The following DSCAM variants were observed in gnomAD, a reference collection of about 807,000 sequenced individuals.
The protein encoded by DSCAM is DS cell adhesion molecule.
In DSCAM, 47 loss-of-function variants were observed where a neutral mutation model predicts 217.7. The observed-to-expected ratio is 0.22, with a 90% CI of 0.17 to 0.28. The LOEUF is 0.28. Ranked by LOEUF, DSCAM falls within the 10% of genes least tolerant of loss-of-function variation. DSCAM has a pLI of 1.00. For synonymous variants in DSCAM, 1,056 were observed against 1,015.3 expected, an observed-to-expected ratio of 1.04 and a Z score of -0.76; for missense variants, 2,080 against 2,618.3, an observed-to-expected ratio of 0.79 and a Z score of 4.49.
Position 40,313,022 on chromosome 21 carries a change from C to T in DSCAM, c.1784-663G>A, listed in dbSNP as rs576111611. ...GTCCCAGCTACTGAGGAGGCCAAGG[C>T]GGGAGGATCCCTTGAGCCCAGGAGT... On this transcript the variant is annotated intron_variant, in intron 8 of 32. Transcript: ENST00000400454. Among the ~76,000 whole-genome samples the T allele has an allele frequency of 9.3e-5, 14 of 150,982 alleles. No homozygotes were observed. The South Asian group carries it at 1.5e-3, about 16-fold the overall frequency.
chr21:40,183,076 C>T lies in DSCAM; in HGVS notation c.2780-3982G>A, dbSNP rs111881702. Among the ~76,000 whole-genome samples, 70 of 11,320 alleles carry T rather than the reference C, an allele frequency of 6.2e-3. 1 individual carries two copies. Among genetic ancestry groups the T allele is most frequent in the Admixed American group, 0.019 (15 of 782 alleles). 7.4% of individuals were successfully genotyped at this position (11,320 alleles called of 152,430 possible). A position where few individuals can be genotyped will look rare whatever the true frequency, so the allele number is the denominator to read the frequency against. On this transcript the variant is annotated intron_variant, in intron 14 of 32. Transcript: ENST00000400454. ...CAGAGAAACCGTGGACAGGAGGGGG[C>T]TACCAGAGAAACCGTGGACGGGGGG...
chr21:40,711,991 T>C (rs1708387547), intron 1 of DSCAM, among the ~76,000 whole-genome samples: 1 of 152,154 alleles, frequency 6.6e-6, no homozygotes, highest in African/African-American at 2.4e-5. Context: ...TTCTGAAATG[T>C]TTTTCTATTT....
intron 32 of DSCAM, among the ~76,000 whole-genome samples, chr21:40,015,546 C>A (rs1351096765): frequency 6.6e-6 from 1 of 152,106 alleles, no homozygotes; most frequent in South Asian, 2.1e-4. Flanking sequence ...CCTTCCACCT[C>A]AGCCTCCAGA....
chr21:40,209,020 G>C (rs1430600676), intron 11 of DSCAM, among the ~76,000 whole-genome samples: 2 of 152,132 alleles, frequency 1.3e-5, no homozygotes. Flanking sequence ...CTAAATGAGC[G>C]GGCACTATTT....
intron 19 of DSCAM, among the ~76,000 whole-genome samples, chr21:40,125,844 C>T (rs1030859233): frequency 2.0e-5 from 3 of 152,116 alleles, no homozygotes; most frequent in Non-Finnish European, 4.4e-5. Context: ...GCAGAGTGAA[C>T]GTTTCCTGGG....
chr21:40,441,749 T>C (rs904668634), intron 3 of DSCAM, among the ~76,000 whole-genome samples: 1 of 152,134 alleles, frequency 6.6e-6, no homozygotes, highest in Non-Finnish European at 1.5e-5. Flanking sequence ...TCTGGTTCCT[T>C]CTTAGCTCAC....
At chr21:40,095,221 C>G (rs1453300356) in intron 20 of DSCAM, among the ~76,000 whole-genome samples, 1 of 152,140 alleles carries the variant, frequency 6.6e-6, no homozygotes, top group South Asian at 2.1e-4. Context: ...ACGAGGAGAA[C>G]AGTACAGAGG....
In DSCAM at chr21:40,498,785, A is replaced by G. The variant is rs1275436097; in HGVS notation, c.509-129540T>C. On this transcript the variant is annotated intron_variant, in intron 3 of 32. Transcript: ENST00000400454. ...TGTATATATATATATGGGTGTGTAT[A>G]TATATATATATATATATATATATAT... Among the ~76,000 whole-genome samples the G allele has an allele frequency of 3.0e-3, 47 of 15,874 alleles. 1 individual carries two copies. The highest frequency in any genetic ancestry group is 6.6e-3 in the South Asian group (3 of 458). 10.4% of individuals were successfully genotyped at this position (15,874 alleles called of 152,430 possible).
At chr21:40,534,229 G>A (rs2076477339) in intron 3 of DSCAM, among the ~76,000 whole-genome samples, 1 of 152,098 alleles carries the variant, frequency 6.6e-6, no homozygotes. Flanking sequence ...GACCCCAGGT[G>A]GCAAAATCAA....
At chr21:40,633,650 A>C (rs534464111) in intron 3 of DSCAM, among the ~76,000 whole-genome samples, 1 of 152,162 alleles carries the variant, frequency 6.6e-6, no homozygotes, top group Non-Finnish European at 1.5e-5. Flanking sequence ...ACTGAGTGAG[A>C]AGAAAGGAGG....
chr21:40,469,276 C>T (rs560804217), intron 3 of DSCAM, among the ~76,000 whole-genome samples: 2 of 152,002 alleles, frequency 1.3e-5, no homozygotes, highest in African/African-American at 2.4e-5. Context: ...CTCATGCATC[C>T]TTTCTCAGAA....
intron 3 of DSCAM, among the ~76,000 whole-genome samples, chr21:40,646,189 G>A (rs1056105315): frequency 6.6e-6 from 1 of 152,092 alleles, no homozygotes; most frequent in African/African-American, 2.4e-5. Flanking sequence ...GGCCAAGGCA[G>A]GTGGATCATG....
At chr21:40,816,088 C>A (rs1440902649) in intron 1 of DSCAM, among the ~76,000 whole-genome samples, 1 of 152,202 alleles carries the variant, frequency 6.6e-6, no homozygotes, top group Non-Finnish European at 1.5e-5. Flanking sequence ...ACTAGAGAAA[C>A]AATGTCAAAA....
At chr21:40,188,977 T>G in intron 12 of DSCAM, 65 bp downstream of exon 12, 1 of 1,536,926 alleles carries the variant, frequency 6.5e-7, no homozygotes, top group South Asian at 1.1e-5. Flanking sequence ...CCCGCTTCTG[T>G]GAAAGGAAAG....
In DSCAM at chr21:40,078,408, A is replaced by T. The variant is rs116315435; in HGVS notation, c.4711+279T>A. ...ACACAAGCACAGAACCACAGGGTCAAGAGTCCTTCAGCCCTAAGAGAAATC... is the reference window on the plus strand; with the variant it reads ...ACACAAGCACAGAACCACAGGGTCATGAGTCCTTCAGCCCTAAGAGAAATC... On this transcript the variant is annotated intron_variant, in intron 26 of 32. Coordinates refer to ENST00000400454, the MANE Select transcript of DSCAM (RefSeq NM_001389.5). Among the ~76,000 whole-genome samples, 1,388 of 152,332 alleles carry T rather than the reference A, an allele frequency of 9.1e-3. 17 individuals are homozygous for T. The highest frequency in any genetic ancestry group is 0.032 in the African/African-American group (1,339 of 41,576).
At chr21:40,749,934 CTTCT>C (rs1252165586) in intron 1 of DSCAM, among the ~76,000 whole-genome samples, 1 of 151,808 alleles carries the variant, frequency 6.6e-6, no homozygotes, top group East Asian at 1.9e-4. Context: ...CCACTTTCTT[CTTCT>C]TTTTTTTTTT....
At chr21:40,833,995 G>A (rs1039748538) in intron 1 of DSCAM, among the ~76,000 whole-genome samples, 13 of 152,108 alleles carry the variant, frequency 8.5e-5, no homozygotes, top group African/African-American at 3.1e-4. Flanking sequence ...TCCAGACATT[G>A]CTCACTGTCC....
chr21:40,694,176 G>A (rs1328706233), intron 2 of DSCAM, among the ~76,000 whole-genome samples: 1 of 152,192 alleles, frequency 6.6e-6, no homozygotes, highest in African/African-American at 2.4e-5. Context: ...AGATGTGCCA[G>A]CCTTACTTCT....
chr21:40,220,463 C>T (rs73222779), intron 11 of DSCAM, among the ~76,000 whole-genome samples: 5,298 of 152,154 alleles, frequency 0.035, 209 homozygotes, highest in African/African-American at 0.09. Context: ...ATAACCTTAG[C>T]CTGGGTTTTG....
Sources: allele counts gnomAD v4.1 joint callset (sites outside exome capture counted in the v4.1 genomes callset), GRCh38; gene constraint gnomAD v4.1.1; transcripts MANE v1.5; gene names NCBI Gene and HGNC (gene_info 2026-07-23, HGNC 2026-07-21).